Variants in PHF20L1 observed in about 807,000 individuals in gnomAD.
PHF20L1 encodes PHD finger protein 20 like 1.
In PHF20L1, 44 loss-of-function variants were observed where a neutral mutation model predicts 125.5. The observed-to-expected ratio is 0.35, with a 90% confidence interval of 0.28 to 0.45. The LOEUF is 0.45. Ranked by LOEUF, PHF20L1 falls within the 20% of genes least tolerant of loss-of-function variation. PHF20L1 has a pLI of 1.00. For synonymous variants in PHF20L1, 380 were observed against 403.1 expected, an observed-to-expected ratio of 0.94 and a Z score of 0.69; for missense variants, 1,012 against 1,217.2, an observed-to-expected ratio of 0.83 and a Z score of 2.51.
intron 6 of PHF20L1, among the ~76,000 whole-genome samples, chr8:132,801,604 TAGC>T (rs1412368232): frequency 6.6e-6 from 1 of 151,768 alleles, no homozygotes; most frequent in Non-Finnish European, 1.5e-5. Flanking sequence ...CAGTGTTTGA[TAGC>T]AGAGTAGAGT....
intron 10 of PHF20L1, chr8:132,816,648 TC>T: frequency 2.7e-6 from 1 of 376,414 alleles, no homozygotes; most frequent in East Asian, 4.4e-5. Context: ...AAATTAATGT[TC>T]CATTTTATTT....
chr8:132,785,757 GTA>G (rs1363261017), intron 2 of PHF20L1, among the ~76,000 whole-genome samples: 1 of 152,042 alleles, frequency 6.6e-6, no homozygotes, highest in Non-Finnish European at 1.5e-5. Context: ...TGAAGGAAGA[GTA>G]TAGATATTTA....
In PHF20L1 at chr8:132,842,867, C is replaced by T. The variant is rs1164076864; in HGVS notation, c.2740C>T (p.Pro914Ser). ...LQYSAKEHGM[P>S]EKNPAEGNTV... is the part of the protein sequence containing the mutation. The stretch of plus-strand genomic sequence containing the variant: ...GTACTCAGCAAAAGAACATGGAATG[C>T]CTGAAAAGGTAAAACTAGTTCATTT... The change falls in exon 19 of 21, where the codon CCT (proline) becomes TCT (serine). Residue 914 changes from proline to serine, a missense_variant. By Grantham distance (74) the Pro-to-Ser change is moderately conservative (BLOSUM62 -1). Transcript: ENST00000395386. 1 of 1,601,644 alleles carries T rather than the reference C, an allele frequency of 6.2e-7. No individual in the cohort carries two copies. The highest frequency in any genetic ancestry group is 1.7e-5 in the Admixed American group (1 of 58,126).
chr8:132,804,488 G>T lies in PHF20L1; in HGVS notation c.722-127G>T, dbSNP rs145099465. 3,365 of 610,294 alleles carry T rather than the reference G, an allele frequency of 5.5e-3. 36 individuals carry two copies. Among genetic ancestry groups the T allele is most frequent in the Middle Eastern group, 0.033 (111 of 3,324 alleles). The allele number at this position is 610,294 out of a possible 1,614,324, so 37.8% of individuals were successfully genotyped here. ...CTGGAGGGATTTGTGTTTTTCAAAG[G>T]TCTGTATCAAGTAGTAGATTAAAAA... On this transcript the variant is annotated intron_variant, in intron 7 of 20. Transcript: ENST00000395386.
chr8:132,824,844 C>CTAA (rs1835984200), intron 13 of PHF20L1: 1 of 241,008 alleles, frequency 4.1e-6, no homozygotes, highest in African/African-American at 2.3e-5. Context: ...AAAGCTTATC[C>CTAA]AAAGCAAAAA....
chr8:132,803,554 T>C, intron 6 of PHF20L1: 1 of 374,872 alleles, frequency 2.7e-6, no homozygotes, highest in Non-Finnish European at 4.8e-6. Flanking sequence ...ATTTTAGATT[T>C]TATTCCTGTG....
chr8:132,843,993 G>C (rs1342237414), intron 19 of PHF20L1, 163 bp from the exon 20 acceptor site: 1 of 985,268 alleles, frequency 1.0e-6, no homozygotes, highest in Non-Finnish European at 1.2e-6. Flanking sequence ...AGAACCACCA[G>C]CTGGAATTTG....
At chr8:132,776,042 T>G (rs1829703535) in intron 1 of PHF20L1, among the ~76,000 whole-genome samples, 1 of 152,182 alleles carries the variant, frequency 6.6e-6, no homozygotes, top group South Asian at 2.1e-4. Flanking sequence ...CTCCGAAAAC[T>G]TCCACTGTCC....
At chr8:132,828,990 A>G (rs1836488682) in intron 14 of PHF20L1, among the ~76,000 whole-genome samples, 1 of 152,032 alleles carries the variant, frequency 6.6e-6, no homozygotes, top group African/African-American at 2.4e-5. Context: ...ATAAATATTT[A>G]AGCTAGAAAA....
At position 132,782,483 on chromosome 8, in the gene PHF20L1, A is replaced by G. The variant is rs147984596; in HGVS notation, c.83+4572A>G. On this transcript the variant is annotated intron_variant, in intron 2 of 20. Coordinates refer to ENST00000395386, the MANE Select transcript of PHF20L1 (RefSeq NM_016018.5). ...TAAATCTTTGGGGATCTGAAGAGTT[A>G]AGTGATTGAGTTTTTAAAGGTAGCT... Among the ~76,000 whole-genome samples, 964 of 152,340 alleles carry G rather than the reference A, an allele frequency of 6.3e-3. 10 individuals are homozygous for G. The highest frequency in any genetic ancestry group is 0.011 in the Non-Finnish European group (773 of 68,032).
At chr8:132,798,123 G>A (rs986460124) in intron 4 of PHF20L1, among the ~76,000 whole-genome samples, 2 of 152,032 alleles carry the variant, frequency 1.3e-5, no homozygotes, top group African/African-American at 2.4e-5. Flanking sequence ...TGGATGACCA[G>A]ATGAGATTGG....
Position 132,837,792 on chromosome 8 carries a change from T to C in PHF20L1, c.2172T>C (p.Tyr724=), listed in dbSNP as rs1339358686. 1 of 1,612,504 alleles carries C rather than the reference T, an allele frequency of 6.2e-7. No individual in the cohort carries two copies. The highest frequency in any genetic ancestry group is 1.1e-5 in the South Asian group (1 of 91,062). Residue 724 remains tyrosine (Y), a synonymous_variant, in exon 17 of 21, where the codon TAT becomes TAC. Coordinates refer to ENST00000395386, the MANE Select transcript of PHF20L1 (RefSeq NM_016018.5). ...GCATTCCAGAGCAGTACATCTGCTA[T>C]ATCTGCCGGGACCCACCAGGTAAGG... is the stretch of plus-strand genomic sequence containing the variant. ...EESIPEQYIC[Y]ICRDPPGQRW...
chr8:132,799,845 C>G (rs1832840807), intron 6 of PHF20L1: 1 of 151,736 alleles, frequency 6.6e-6, no homozygotes, highest in Non-Finnish European at 1.5e-5. Flanking sequence ...GATTAGCAAG[C>G]AGATTTCTTC....
intron 19 of PHF20L1, chr8:132,843,689 C>G (rs759971776): frequency 2.5e-5 from 25 of 984,554 alleles, no homozygotes; most frequent in Non-Finnish European, 2.8e-5. Flanking sequence ...CTTTCCCTCC[C>G]TTCATTGATT....
In PHF20L1 at chr8:132,815,190, A is replaced by AT. The variant is rs1338237369; in HGVS notation, c.1183+301_1183+302insT. 25 of 194,528 alleles carry AT rather than the reference A, an allele frequency of 1.3e-4. No homozygotes were observed. The East Asian group carries it at 2.9e-3, about 22-fold the overall frequency. 12.1% of individuals were successfully genotyped at this position (194,528 alleles called of 1,614,324 possible). On this transcript the variant is annotated intron_variant, in intron 10 of 20. Coordinates refer to ENST00000395386, the MANE Select transcript of PHF20L1 (RefSeq NM_016018.5). Reference sequence around the variant, plus strand: ...GGCCTGATTCATTACAAAAAAAAAAAGTTATAAAAAGACCCAGGATAGCTA... The same window carrying AT: ...GGCCTGATTCATTACAAAAAAAAAAATGTTATAAAAAGACCCAGGATAGCTA...
intron 9 of PHF20L1, chr8:132,811,968 C>A (rs556009535): frequency 4.1e-6 from 4 of 979,994 alleles, no homozygotes; most frequent in Non-Finnish European, 4.8e-6. Flanking sequence ...AAAAACTATT[C>A]CAAATTTAAT....
chr8:132,775,589 C>G lies in PHF20L1; in HGVS notation c.-94C>G. Reference sequence around the variant, plus strand: ...AGAGGCCCGGGCTGGCCGCCCTGCTCGTGCCCCAGCTCGGCCCCGGACGGC... The same window carrying G: ...AGAGGCCCGGGCTGGCCGCCCTGCTGGTGCCCCAGCTCGGCCCCGGACGGC... On this transcript the variant is annotated 5_prime_UTR_variant, in exon 1 of 21. Coordinates refer to ENST00000395386, the MANE Select transcript of PHF20L1 (RefSeq NM_016018.5). 2 of 349,976 alleles carry G rather than the reference C, an allele frequency of 5.7e-6. No individual in the cohort carries two copies. Among genetic ancestry groups the G allele is most frequent in the Non-Finnish European group, 1.0e-5 (2 of 194,390 alleles). The allele number at this position is 349,976 out of a possible 1,614,324, so 21.7% of individuals were successfully genotyped here.
In PHF20L1 at chr8:132,825,340, G is replaced by GA. The variant is rs772333737; in HGVS notation, c.1721dup (p.Lys575GlufsTer5). ...ACTACAGACCAAAACAGAAGAAGAA[G>GA]AAAAAAAAGAAAAAGAAATCTAAGC... On this transcript the variant is annotated frameshift_variant, in exon 14 of 21. Transcript: ENST00000395386. LOFTEE classifies it high-confidence loss of function. The GA allele has an allele frequency of 1.8e-5, 27 of 1,473,458 alleles. No individual in the cohort carries two copies. Among genetic ancestry groups the GA allele is most frequent in the South Asian group, 5.0e-5 (4 of 80,574 alleles). 91.3% of individuals were successfully genotyped at this position (1,473,458 alleles called of 1,614,324 possible). A position where few individuals can be genotyped will look rare whatever the true frequency, so the allele number is the denominator to read the frequency against.
In PHF20L1 at chr8:132,794,771, A is replaced by G. The variant is rs1389265751; in HGVS notation, c.294A>G (p.Thr98=). ...KAGEEVLARW[T]DCRYYPAKIE... is the part of the protein sequence containing the mutation. Reference sequence around the variant, plus strand: ...GAGAAGAAGTTCTGGCTCGTTGGACAGACTGTCGCTATTACCCTGCCAAGA... The same window carrying G: ...GAGAAGAAGTTCTGGCTCGTTGGACGGACTGTCGCTATTACCCTGCCAAGA... The change falls in exon 4 of 21, where the codon ACA becomes ACG. Residue 98 remains threonine, a synonymous_variant. Coordinates refer to ENST00000395386, the MANE Select transcript of PHF20L1 (RefSeq NM_016018.5). The G allele has an allele frequency of 3.7e-6, 6 of 1,613,326 alleles. No homozygotes were observed. The South Asian group carries it at 6.6e-5, about 18-fold the overall frequency.
Sources: allele counts gnomAD v4.1 joint callset (sites outside exome capture counted in the v4.1 genomes callset), GRCh38; gene constraint gnomAD v4.1.1; transcripts MANE v1.5; gene names NCBI Gene and HGNC (gene_info 2026-07-23, HGNC 2026-07-21).